MTCL2: variants seen among roughly 807,000 people sequenced by gnomAD.
MTCL2 encodes the protein microtubule cross-linking factor 2.
At chr20:36,854,192 C>T in the MTCL2 span, among the ~76,000 whole-genome samples, 5 of 152,174 alleles carry the variant, frequency 3.3e-5, no homozygotes, top group Admixed American at 1.3e-4. Flanking sequence ...GCTGCATGAC[C>T]TCTAACAAGC....
chr20:36,854,941 C>T, the MTCL2 span, among the ~76,000 whole-genome samples: 3 of 152,138 alleles, frequency 2.0e-5, no homozygotes, highest in Admixed American at 2.0e-4. Context: ...AGGGGGGACA[C>T]AGACAGGGAT....
the MTCL2 span, among the ~76,000 whole-genome samples, chr20:36,858,705 T>G: frequency 6.6e-6 from 1 of 152,226 alleles, no homozygotes; most frequent in Non-Finnish European, 1.5e-5. Flanking sequence ...TTGGGTTCAC[T>G]GCTTGCAAAA....
At chr20:36,803,838 T>G in the MTCL2 span, among the ~76,000 whole-genome samples, 5 of 151,562 alleles carry the variant, frequency 3.3e-5, no homozygotes, top group East Asian at 1.9e-4. Flanking sequence ...CCATCTATAA[T>G]TCCAGTTGCT....
At chr20:36,829,222 G>T in the MTCL2 span, 1 of 1,602,178 alleles carries the variant, frequency 6.2e-7, no homozygotes, top group South Asian at 1.1e-5. Context: ...CCTGTGCAGG[G>T]GTGGGAGAGA....
the MTCL2 span, chr20:36,808,797 C>A: frequency 6.8e-7 from 1 of 1,476,462 alleles, no homozygotes. Flanking sequence ...CTCCCCCACC[C>A]CTTTCTGGGC....
chr20:36,817,840 G>A, the MTCL2 span, among the ~76,000 whole-genome samples: 1 of 152,352 alleles, frequency 6.6e-6, no homozygotes, highest in South Asian at 2.1e-4. Context: ...CAGGTAGGTA[G>A]GTGTAGAGAA....
At chr20:36,838,839 G>A in the MTCL2 span, among the ~76,000 whole-genome samples, 2 of 152,042 alleles carry the variant, frequency 1.3e-5, no homozygotes, top group South Asian at 2.1e-4. Flanking sequence ...GTGGTGGCAG[G>A]TGCCTGTAAT....
the MTCL2 span, among the ~76,000 whole-genome samples, chr20:36,833,957 G>A: frequency 5.7e-3 from 870 of 152,302 alleles, 12 homozygotes; most frequent in African/African-American, 0.02. Context: ...GAGGTCAGGA[G>A]TTCGAGACCA....
At chr20:36,793,312 G>A in the MTCL2 span, 1 of 1,551,798 alleles carries the variant, frequency 6.4e-7, no homozygotes, top group South Asian at 1.2e-5. The surrounding 1 kb of genome is among the most constrained non-coding windows in gnomAD (Gnocchi z 6.8). Flanking sequence ...CCACCTGGGG[G>A]AGCATGGTGA....
At chr20:36,846,840 CTACAAAAAAA>C in the MTCL2 span, among the ~76,000 whole-genome samples, 2 of 152,194 alleles carry the variant, frequency 1.3e-5, no homozygotes, top group African/African-American at 2.4e-5. Flanking sequence ...AACCCCATCT[CTACAAAAAAA>C]TACAAAAAAA....
the MTCL2 span, chr20:36,778,604 G>A: frequency 6.5e-6 from 1 of 153,102 alleles, no homozygotes; most frequent in African/African-American, 2.4e-5. Flanking sequence ...CACATCACCT[G>A]GGAAGCTGCT....
At chr20:36,824,090 A>G in the MTCL2 span, among the ~76,000 whole-genome samples, 1 of 152,132 alleles carries the variant, frequency 6.6e-6, no homozygotes, top group African/African-American at 2.4e-5. Context: ...GGGCAACACC[A>G]GAAGAGTCAG....
the MTCL2 span, among the ~76,000 whole-genome samples, chr20:36,811,503 C>G: frequency 6.6e-6 from 1 of 152,036 alleles, no homozygotes. Context: ...GTGGCGCACG[C>G]CTATAGTCCC....
chr20:36,806,229 G>A, the MTCL2 span, among the ~76,000 whole-genome samples: 1 of 152,154 alleles, frequency 6.6e-6, no homozygotes, highest in Non-Finnish European at 1.5e-5. Flanking sequence ...CCAAAGGTTT[G>A]GGTGGACAGA....
At chr20:36,784,431 G>A in the MTCL2 span, 829,320 of 985,376 alleles carry the variant, frequency 0.84, 350,364 homozygotes, top group Non-Finnish European at 0.86. Flanking sequence ...CTGGGAACTG[G>A]CAGGTGGGAG....
the MTCL2 span, among the ~76,000 whole-genome samples, chr20:36,795,703 G>C: frequency 6.6e-6 from 1 of 152,076 alleles, no homozygotes; most frequent in African/African-American, 2.4e-5. Flanking sequence ...TTGAACCTGG[G>C]AGGTGGAGGT....
the MTCL2 span, chr20:36,863,447 CG>C: frequency 1.2e-6 from 1 of 849,780 alleles, no homozygotes; most frequent in Non-Finnish European, 1.5e-6. This position sits in a 1 kb window ranked among gnomAD's most constrained non-coding sequence, Gnocchi z 6.2. Flanking sequence ...GCTGGGGCTG[CG>C]GCTGCTCTCG....
the MTCL2 span, chr20:36,839,404 A>T: frequency 1.2e-6 from 2 of 1,613,466 alleles, no homozygotes; most frequent in Admixed American, 3.3e-5. This position sits in a 1 kb window ranked among gnomAD's most constrained non-coding sequence, Gnocchi z 5.1. Flanking sequence ...GACGTCCCGC[A>T]TCTCCAGCAT....
the MTCL2 span, chr20:36,829,002 G>A: frequency 1.4e-6 from 2 of 1,474,178 alleles, no homozygotes; most frequent in Non-Finnish European, 1.8e-6. Context: ...GGGGGGGCTT[G>A]CATGTGCCCA....
Sources: gnomAD v4.1 joint callset for allele counts (sites outside exome capture counted in the v4.1 genomes callset) on GRCh38, gnomAD v4.1.1 for gene constraint, Gnocchi (gnomAD v3.1) non-coding constraint, MANE v1.5 for transcripts, NCBI Gene and HGNC (gene_info 2026-07-23, HGNC 2026-07-21) for gene names.